The following GAB2 variants were observed in gnomAD, a reference collection of about 807,000 sequenced individuals.
GAB2 encodes GRB2 associated binding protein 2, also known as GRB2-associated-binding protein 2.
GAB2 carries 26 observed loss-of-function variants against 65.5 expected under a neutral mutation model. The ratio of observed to expected loss-of-function variants is 0.40; its 90% CI spans 0.29 to 0.55. The LOEUF is 0.55. GAB2 is among the 20% of genes least tolerant of loss of function. The pLI is 0.53. For missense variants in GAB2, 884 were observed against 875.8 expected (o/e 1.01, Z -0.12); for synonymous variants, 321 against 329.6 (o/e 0.97, Z 0.28).
chr11:78,280,331 G>A (rs1590994493), intron 2 of GAB2: 1 of 470,034 alleles, frequency 2.1e-6, no homozygotes, highest in East Asian at 3.8e-5. Flanking sequence ...GGAGGGATGA[G>A]GAACGGCAGT....
intron 2 of GAB2, among the ~76,000 whole-genome samples, chr11:78,253,723 C>A (rs1232430348): frequency 2.0e-5 from 3 of 152,124 alleles, no homozygotes; most frequent in African/African-American, 7.2e-5. Context: ...AGGCTGTAAA[C>A]ACAGTGATGG....
chr11:78,224,071 G>A (rs1000681962), intron 5 of GAB2, among the ~76,000 whole-genome samples: 1 of 152,088 alleles, frequency 6.6e-6, no homozygotes, highest in Non-Finnish European at 1.5e-5. Context: ...GACAGAGTGA[G>A]ACTCTGTTTC....
At chr11:78,371,513 T>C (rs997838135) in intron 1 of GAB2, among the ~76,000 whole-genome samples, 12 of 152,252 alleles carry the variant, frequency 7.9e-5, no homozygotes, top group African/African-American at 2.9e-4. Context: ...TCAATCCCTC[T>C]TCCGTGTTCC....
intron 1 of GAB2, among the ~76,000 whole-genome samples, chr11:78,286,890 C>T (rs7107174): frequency 0.16 from 23,942 of 152,060 alleles, 2,440 homozygotes; most frequent in East Asian, 0.4. Flanking sequence ...AAGGAGAATA[C>T]GGGACATGAG....
intron 2 of GAB2, among the ~76,000 whole-genome samples, chr11:78,278,383 G>C (rs1344639150): frequency 1.3e-5 from 2 of 148,488 alleles, no homozygotes; most frequent in Non-Finnish European, 3.0e-5. Flanking sequence ...TTTTTTTTTT[G>C]TTTTTTGTTT....
chr11:78,269,940 A>G (rs989815803), intron 2 of GAB2, among the ~76,000 whole-genome samples: 4 of 152,230 alleles, frequency 2.6e-5, no homozygotes, highest in Admixed American at 1.3e-4. Flanking sequence ...CAAAATCTCC[A>G]AGAGTTACAA....
intron 1 of GAB2, among the ~76,000 whole-genome samples, chr11:78,288,628 G>A (rs567518667): frequency 8.5e-5 from 13 of 152,110 alleles, no homozygotes; most frequent in South Asian, 2.1e-4. Context: ...TAAAAAAATC[G>A]CTGTGCAGGG....
At chr11:78,394,251 G>A (rs1856867467) in intron 1 of GAB2, among the ~76,000 whole-genome samples, 1 of 152,168 alleles carries the variant, frequency 6.6e-6, no homozygotes, top group African/African-American at 2.4e-5. Flanking sequence ...TCGTGCCACT[G>A]CATTCCAGCC....
chr11:78,307,937 C>T (rs1397260835), intron 1 of GAB2, among the ~76,000 whole-genome samples: 2 of 152,034 alleles, frequency 1.3e-5, no homozygotes, highest in Admixed American at 1.3e-4. Flanking sequence ...AAGGAAGATC[C>T]ATTCTCACCC....
Position 78,297,280 on chromosome 11 carries a change from T to C in GAB2, c.76-16379A>G, listed in dbSNP as rs141911961. ...GAAGGTAAGTCAAATATTATAATAA[T>C]ATATTTTAAAATATTATAAAATTAA... On this transcript the variant is annotated intron_variant, in intron 1 of 9. Transcript: ENST00000361507. Among the ~76,000 whole-genome samples the C allele has an allele frequency of 1.9e-3, 285 of 151,820 alleles. 2 individuals carry two copies. Among genetic ancestry groups the C allele is most frequent in the South Asian group, 3.5e-3 (17 of 4,822 alleles).
rs375914425 is a variant in GAB2, at chr11:78,286,823, A to G, written c.76-5922T>C. ...AGGGGGGTCTGGGAGCTTCACCTGA[A>G]AAGTAACCCATGATACAAAAATGAA... On this transcript the variant is annotated intron_variant, in intron 1 of 9. Transcript: ENST00000361507. 1.9e-4 allele frequency among the ~76,000 whole-genome samples: 29 copies of G among 152,352 alleles called. No homozygotes were observed. In the East Asian group the frequency reaches 5.4e-3, roughly 28 times the overall value.
In GAB2 at chr11:78,350,135, C is replaced by T. The variant is rs576665824; in HGVS notation, c.75+67511G>A. Among the ~76,000 whole-genome samples, 91 of 152,182 alleles carry T rather than the reference C, an allele frequency of 6.0e-4. No homozygotes were observed. In the Middle Eastern group the frequency reaches 0.01, roughly 17 times the overall value. On this transcript the variant is annotated intron_variant, in intron 1 of 9. Coordinates refer to ENST00000361507, the MANE Select transcript of GAB2 (RefSeq NM_080491.3). ...ATGCTGAAAGTTTAAGTAAATTTAC[C>T]GTCTTCCTATTTCAGACCAGCTGTA...
At position 78,318,381 on chromosome 11, in the gene GAB2, A is replaced by AAAAAAAAAAAAAAAAAAAAAAAAAAAAC. The variant is rs1855657023; in HGVS notation, c.76-37481_76-37480insGTTTTTTTTTTTTTTTTTTTTTTTTTTT. On this transcript the variant is annotated intron_variant, in intron 1 of 9. Coordinates refer to ENST00000361507, the MANE Select transcript of GAB2 (RefSeq NM_080491.3). Reference sequence around the variant, plus strand: ...GATTGTTAAATGCCAAAAAAAAAAAAAAAAAGCTGTGAAAAGGAGCTTGAC... The same window carrying AAAAAAAAAAAAAAAAAAAAAAAAAAAAC: ...GATTGTTAAATGCCAAAAAAAAAAAAAAAAAAAAAAAAAAAAAAAAAAAAAAACAAAAAGCTGTGAAAAGGAGCTTGAC... Among the ~76,000 whole-genome samples the AAAAAAAAAAAAAAAAAAAAAAAAAAAAC allele has an allele frequency of 2.0e-5, 3 of 148,750 alleles. 1 individual carries two copies. The highest frequency in any genetic ancestry group is 3.0e-5 in the Non-Finnish European group (2 of 66,984).
chr11:78,384,760 G>A (rs1168846417), intron 1 of GAB2, among the ~76,000 whole-genome samples: 5 of 152,162 alleles, frequency 3.3e-5, no homozygotes, highest in African/African-American at 7.2e-5. Flanking sequence ...GGTACTACAA[G>A]AACAGCTGGG....
At chr11:78,273,906 G>C (rs1020876355) in intron 2 of GAB2, among the ~76,000 whole-genome samples, 32 of 152,264 alleles carry the variant, frequency 2.1e-4, no homozygotes, top group Middle Eastern at 6.8e-3. Flanking sequence ...CTCTCGGCCT[G>C]CTGCCACTGA....
At chr11:78,281,870 C>T (rs907362765) in intron 1 of GAB2, among the ~76,000 whole-genome samples, 5 of 152,184 alleles carry the variant, frequency 3.3e-5, no homozygotes, top group African/African-American at 1.2e-4. Flanking sequence ...TCAGTTTATC[C>T]ATGGGGACCC....
intron 1 of GAB2, among the ~76,000 whole-genome samples, chr11:78,286,281 C>T (rs1335650679): frequency 6.6e-6 from 1 of 152,172 alleles, no homozygotes; most frequent in East Asian, 1.9e-4. Context: ...CCTCATCCAT[C>T]TGGAGAATTT....
intron 5 of GAB2, among the ~76,000 whole-genome samples, 154 bp downstream of exon 5, chr11:78,224,954 C>T (rs1390602956): frequency 2.0e-5 from 3 of 152,210 alleles, no homozygotes; most frequent in Non-Finnish European, 1.5e-5. Context: ...TGTCCAAAGA[C>T]TCAACGCAGG....
At chr11:78,227,126 C>T in intron 3 of GAB2, 75 bp from the exon 4 acceptor site, 2 of 993,936 alleles carry the variant, frequency 2.0e-6, no homozygotes. Flanking sequence ...AAAGCACTTT[C>T]TCTTTCTATA....
Sources: allele counts gnomAD v4.1 joint callset (sites outside exome capture counted in the v4.1 genomes callset), GRCh38; gene constraint gnomAD v4.1.1; transcripts MANE v1.5; gene names NCBI Gene and HGNC (gene_info 2026-07-23, HGNC 2026-07-21).